Variants in CDH4 observed in about 807,000 individuals in gnomAD.
CDH4 encodes the protein cadherin-4.
In CDH4, 33 loss-of-function variants were observed where a neutral mutation model predicts 86.0. The observed-to-expected ratio is 0.38, with a 90% CI of 0.29 to 0.51. CDH4 has a LOEUF of 0.51. Ranked by LOEUF, CDH4 falls within the 20% of genes least tolerant of loss-of-function variation. The probability of loss-of-function intolerance (pLI) is 0.86; values close to 1 mark genes in which losing one functional copy is unlikely to be tolerated. For synonymous variants in CDH4, 555 were observed against 549.4 expected, an observed-to-expected ratio of 1.01 and a Z score of -0.14; for missense variants, 1,114 against 1,307.4, an observed-to-expected ratio of 0.85 and a Z score of 2.28.
At chr20:61,705,620 G>A (rs979771553) in intron 2 of CDH4, among the ~76,000 whole-genome samples, 1 of 152,124 alleles carries the variant, frequency 6.6e-6, no homozygotes, top group Admixed American at 6.5e-5. Context: ...ACTTCCTCTG[G>A]CCCTTGTAGT....
chr20:61,500,269 C>G (rs1404289815), intron 2 of CDH4, among the ~76,000 whole-genome samples: 1 of 152,198 alleles, frequency 6.6e-6, no homozygotes, highest in Admixed American at 6.5e-5. Context: ...ATGCACGGTG[C>G]TGATAAAGGA....
chr20:61,636,484 C>A (rs2086947643), intron 2 of CDH4, among the ~76,000 whole-genome samples: 2 of 152,248 alleles, frequency 1.3e-5, no homozygotes, highest in South Asian at 4.1e-4. Flanking sequence ...TTATCATTTA[C>A]CAACTAAAAT....
At chr20:61,324,302 C>G (rs1033241052) in intron 2 of CDH4, among the ~76,000 whole-genome samples, 1 of 152,152 alleles carries the variant, frequency 6.6e-6, no homozygotes, top group South Asian at 2.1e-4. Context: ...GCATTAGTGT[C>G]CTGGGGCTGC....
chr20:61,305,651 G>A (rs1237919011), intron 2 of CDH4, among the ~76,000 whole-genome samples: 1 of 152,186 alleles, frequency 6.6e-6, no homozygotes, highest in Non-Finnish European at 1.5e-5. Flanking sequence ...GGCTTTGGTG[G>A]CCATGAGTTT....
intron 2 of CDH4, among the ~76,000 whole-genome samples, chr20:61,651,054 T>C (rs993785818): frequency 6.6e-6 from 1 of 152,082 alleles, no homozygotes; most frequent in African/African-American, 2.4e-5. Flanking sequence ...GGTGTGCTTG[T>C]GTGAGTGAGT....
At chr20:61,743,915 C>G in intron 3 of CDH4, 126 bp downstream of exon 3, 1 of 751,474 alleles carries the variant, frequency 1.3e-6, no homozygotes, top group Non-Finnish European at 2.2e-6. Flanking sequence ...GGCTGTGCCA[C>G]TCAGGCCATT....
chr20:61,820,526 G>A (rs1287105216), intron 4 of CDH4, among the ~76,000 whole-genome samples: 7 of 152,216 alleles, frequency 4.6e-5, no homozygotes, highest in Admixed American at 3.3e-4. Context: ...TGTCCACACC[G>A]ATCCTCACGT....
At position 61,722,320 on chromosome 20, in the gene CDH4, G is replaced by C. The variant is rs142402869; in HGVS notation, c.170-21243G>C. Among the ~76,000 whole-genome samples the C allele has an allele frequency of 5.8e-3, 885 of 152,246 alleles. 10 individuals are homozygous for C. The highest frequency in any genetic ancestry group is 0.036 in the South Asian group (171 of 4,788). The stretch of plus-strand genomic sequence containing the variant: ...CAACAGAGACGACCTCTAGCCCAGC[G>C]TGCTGGTCATGCCAGCCGCCGTCAT... On this transcript the variant is annotated intron_variant, in intron 2 of 15. Coordinates refer to ENST00000614565, the MANE Select transcript of CDH4 (RefSeq NM_001794.5).
intron 2 of CDH4, among the ~76,000 whole-genome samples, chr20:61,573,888 A>G (rs1346859944): frequency 1.3e-5 from 2 of 152,216 alleles, no homozygotes; most frequent in Non-Finnish European, 2.9e-5. Flanking sequence ...GAGCCCTGCC[A>G]GGAGCTCCCC....
At chr20:61,451,131 C>T (rs1450135283) in intron 2 of CDH4, among the ~76,000 whole-genome samples, 1 of 146,894 alleles carries the variant, frequency 6.8e-6, no homozygotes, top group South Asian at 2.2e-4. Context: ...CGCCCCCCCC[C>T]TTCCCTCCGT....
intron 2 of CDH4, among the ~76,000 whole-genome samples, chr20:61,492,281 T>TGGTGGTGTTGATGTTGGTGTTGATGTA (rs1568863830): frequency 1.3e-5 from 2 of 151,674 alleles, no homozygotes; most frequent in Admixed American, 6.6e-5. Context: ...TTGTTGATGT[T>TGGTGGTGTTGATGTTGGTGTTGATGTA]GGTGGTGTTG....
chr20:61,628,316 C>A (rs1414384415), intron 2 of CDH4, among the ~76,000 whole-genome samples: 2 of 152,054 alleles, frequency 1.3e-5, no homozygotes, highest in Non-Finnish European at 2.9e-5. Flanking sequence ...CCCCTCTGCA[C>A]ATGGAACCGG....
At chr20:61,854,949 T>A in intron 6 of CDH4, among the ~76,000 whole-genome samples, 1 of 135,422 alleles carries the variant, frequency 7.4e-6, no homozygotes. Context: ...GTGAACAGGG[T>A]GAATTGCGCC....
chr20:61,400,000 T>C (rs1458728684), intron 2 of CDH4, among the ~76,000 whole-genome samples: 2 of 152,156 alleles, frequency 1.3e-5, no homozygotes, highest in Non-Finnish European at 2.9e-5. Flanking sequence ...TTTACCAGGA[T>C]CCCTCCTGTC....
intron 2 of CDH4, among the ~76,000 whole-genome samples, chr20:61,521,772 G>A (rs148607105): frequency 1.6e-4 from 25 of 152,298 alleles, no homozygotes; most frequent in Middle Eastern, 6.8e-3. Context: ...TCTCTGGTTC[G>A]TGAGCCCGGC....
chr20:61,550,616 T>A (rs1186994275), intron 2 of CDH4, among the ~76,000 whole-genome samples: 3 of 151,932 alleles, frequency 2.0e-5, no homozygotes, highest in African/African-American at 7.2e-5. Context: ...TCCTCCCTGA[T>A]AGTTCATATC....
chr20:61,849,012 G>C (rs1982591848), intron 5 of CDH4, among the ~76,000 whole-genome samples: 1 of 152,164 alleles, frequency 6.6e-6, no homozygotes, highest in Non-Finnish European at 1.5e-5. Context: ...TCACAGTGAG[G>C]AATGGTGAGC....
intron 4 of CDH4, among the ~76,000 whole-genome samples, chr20:61,797,230 C>T (rs1048425848): frequency 2.6e-5 from 4 of 152,128 alleles, no homozygotes; most frequent in African/African-American, 9.7e-5. Context: ...CCATCCATTC[C>T]GCAGGGTGGG....
chr20:61,497,592 CTT>C (rs897825483), intron 2 of CDH4, among the ~76,000 whole-genome samples: 2 of 152,186 alleles, frequency 1.3e-5, no homozygotes, highest in African/African-American at 4.8e-5. Context: ...AATAGGAACA[CTT>C]TTACACTGTT....
Sources: gnomAD v4.1 joint callset for allele counts (sites outside exome capture counted in the v4.1 genomes callset) on GRCh38, gnomAD v4.1.1 for gene constraint, MANE v1.5 for transcripts, NCBI Gene and HGNC (gene_info 2026-07-23, HGNC 2026-07-21) for gene names.